The following UPB1 variants were observed in gnomAD, a reference collection of about 807,000 sequenced individuals.
UPB1 encodes the protein beta-ureidopropionase.
A neutral mutation model predicts 49.1 loss-of-function variants in UPB1; 40 were observed. The ratio of observed to expected loss-of-function variants is 0.81; its 90% CI spans 0.63 to 1.06. UPB1 has a LOEUF of 1.06. UPB1 is among the 50% of genes least tolerant of loss of function. The pLI is 0.00. For missense variants in UPB1, 499 were observed against 505.9 expected, an observed-to-expected ratio of 0.99 and a Z score of 0.13; for synonymous variants, 207 against 198.2, an observed-to-expected ratio of 1.04 and a Z score of -0.38.
chr22:24,497,313 G>A (rs60379542), intron 1 of UPB1, among the ~76,000 whole-genome samples: 5,638 of 152,266 alleles, frequency 0.037, 279 homozygotes, highest in African/African-American at 0.11. Context: ...AAAGGGGAAT[G>A]TATGTTTCAT....
chr22:24,523,528 G>A (rs1434415850), intron 8 of UPB1, 91 bp from the exon 9 acceptor site: 10 of 1,582,474 alleles, frequency 6.3e-6, no homozygotes, highest in African/African-American at 2.7e-5. Context: ...TGGACTCCGT[G>A]TCCTGGGCCT....
At position 24,495,484 on chromosome 22, in the gene UPB1, C is replaced by G; in HGVS notation, c.81C>G (p.Arg27=). The part of the protein sequence containing the change: ...LPLPDLQEVK[R]VLYGKELRKL... The stretch of plus-strand genomic sequence containing the variant: ...TCCCCGACTTGCAGGAAGTGAAGCG[C>G]GTTCTCTATGGCAAGGAACTCAGGT... The change falls in exon 1 of 10, where the codon CGC becomes CGG. Residue 27 remains arginine (R), a synonymous_variant. Coordinates refer to ENST00000326010, the MANE Select transcript of UPB1 (RefSeq NM_016327.3). The G allele has an allele frequency of 6.2e-7, 1 of 1,614,080 alleles. No individual in the cohort carries two copies. Among genetic ancestry groups the G allele is most frequent in the Non-Finnish European group, 8.5e-7 (1 of 1,180,030 alleles).
At chr22:24,510,639 G>C (rs370722548) in intron 3 of UPB1, 110 bp from the exon 4 acceptor site, 1 of 1,174,970 alleles carries the variant, frequency 8.5e-7, no homozygotes, top group Admixed American at 1.8e-5. Flanking sequence ...CCAGGCCATG[G>C]CACTCCTGAG....
chr22:24,496,400 C>T lies in UPB1; in HGVS notation c.104+893C>T, dbSNP rs895351486. Among the ~76,000 whole-genome samples the T allele has an allele frequency of 2.9e-3, 369 of 127,270 alleles. 1 individual carries two copies. The highest frequency in any genetic ancestry group is 3.4e-3 in the African/African-American group (88 of 25,726). The allele number at this position is 127,270 out of a possible 152,430, so 83.5% of individuals were successfully genotyped here. Reference sequence around the variant, plus strand: ...ACACACACACACACACACACACACACACATACACACACACACACACACACA... The same window carrying T: ...ACACACACACACACACACACACACATACATACACACACACACACACACACA... On this transcript the variant is annotated intron_variant, in intron 1 of 9. Coordinates refer to ENST00000326010, the MANE Select transcript of UPB1 (RefSeq NM_016327.3).
At chr22:24,516,915 G>A (rs1215499333) in intron 6 of UPB1, among the ~76,000 whole-genome samples, 7 of 152,078 alleles carry the variant, frequency 4.6e-5, no homozygotes, top group Admixed American at 4.6e-4. Flanking sequence ...TCGTAGAGAT[G>A]GGGTTTCACC....
chr22:24,504,723 C>CTTTTTTTTTTT (rs35606558), intron 3 of UPB1, among the ~76,000 whole-genome samples: 9 of 91,770 alleles, frequency 9.8e-5, no homozygotes, highest in Non-Finnish European at 1.6e-4. Context: ...GTATTTCCTC[C>CTTTTTTTTTTT]TTTTTTTTTT....
chr22:24,507,304 G>T (rs1355862953), intron 3 of UPB1, among the ~76,000 whole-genome samples: 2 of 152,138 alleles, frequency 1.3e-5, no homozygotes, highest in East Asian at 1.9e-4. Flanking sequence ...AGCCTGGGGA[G>T]CCTTGAGCCT....
At chr22:24,506,213 G>A (rs771784917) in intron 3 of UPB1, among the ~76,000 whole-genome samples, 2 of 150,814 alleles carry the variant, frequency 1.3e-5, no homozygotes, top group Non-Finnish European at 2.9e-5. Flanking sequence ...TAGAGACCAG[G>A]CTTCACCATG....
At chr22:24,502,742 T>A (rs1568981520) in intron 3 of UPB1, 8 of 556,442 alleles carry the variant, frequency 1.4e-5, no homozygotes, top group Middle Eastern at 4.6e-4. Context: ...TTACCTTTGT[T>A]AGTGTTGCTA....
intron 3 of UPB1, among the ~76,000 whole-genome samples, chr22:24,504,403 A>G (rs1428154976): frequency 6.6e-6 from 1 of 152,174 alleles, no homozygotes; most frequent in Non-Finnish European, 1.5e-5. Flanking sequence ...TTTTTTGGGC[A>G]TTGTTGAGTA....
intron 7 of UPB1, 38 bp downstream of exon 7, chr22:24,520,506 C>A (rs1406555116): frequency 6.3e-7 from 1 of 1,598,426 alleles, no homozygotes. Flanking sequence ...GGAGCCACCA[C>A]CTGGTGGCTC....
chr22:24,518,165 AAAAC>A (rs994596805), intron 6 of UPB1: 9 of 152,278 alleles, frequency 5.9e-5, no homozygotes, highest in Non-Finnish European at 1.0e-4. Flanking sequence ...ACAGAAAAAA[AAAAC>A]AGGGAAAGGC....
intron 6 of UPB1, among the ~76,000 whole-genome samples, 192 bp downstream of exon 6, chr22:24,515,562 G>A (rs182805014): frequency 4.6e-5 from 7 of 152,360 alleles, no homozygotes; most frequent in Non-Finnish European, 8.8e-5. Flanking sequence ...ATGGCAATGA[G>A]CAATCCCCCA....
At chr22:24,496,846 C>T (rs1185826813) in intron 1 of UPB1, among the ~76,000 whole-genome samples, 1 of 152,014 alleles carries the variant, frequency 6.6e-6, no homozygotes, top group Non-Finnish European at 1.5e-5. Context: ...AAATGTCTAG[C>T]GGGTGAGGAC....
At chr22:24,506,240 C>G (rs991158567) in intron 3 of UPB1, among the ~76,000 whole-genome samples, 1 of 151,960 alleles carries the variant, frequency 6.6e-6, no homozygotes, top group Non-Finnish European at 1.5e-5. Flanking sequence ...AGGCTGGTCT[C>G]GAATTCCTGA....
chr22:24,523,803 G>A (rs979066765), intron 9 of UPB1, 30 bp downstream of exon 9: 2 of 1,613,626 alleles, frequency 1.2e-6, no homozygotes, highest in African/African-American at 1.3e-5. Context: ...GTTGTTGCCT[G>A]CTCCTCTGCT....
intron 3 of UPB1, among the ~76,000 whole-genome samples, chr22:24,509,361 G>GAAAAAAAA (rs202081655): frequency 2.2e-5 from 2 of 92,170 alleles, no homozygotes; most frequent in African/African-American, 4.7e-5. Flanking sequence ...CCTACTGTTT[G>GAAAAAAAA]AAAAAAAAAA....
intron 3 of UPB1, among the ~76,000 whole-genome samples, chr22:24,509,395 A>T (rs2044154449): frequency 1.5e-5 from 2 of 130,520 alleles, no homozygotes; most frequent in Admixed American, 1.6e-4. Flanking sequence ...AAAAAAAAAA[A>T]AGCAAAAACC....
chr22:24,513,044 A>T (rs900410599), intron 4 of UPB1, among the ~76,000 whole-genome samples: 3 of 152,202 alleles, frequency 2.0e-5, no homozygotes, highest in Non-Finnish European at 2.9e-5. Context: ...CAGGATTAGG[A>T]TTGCCAGATC....
Sources: allele counts gnomAD v4.1 joint callset (sites outside exome capture counted in the v4.1 genomes callset), GRCh38; gene constraint gnomAD v4.1.1; transcripts MANE v1.5; gene names NCBI Gene and HGNC (gene_info 2026-07-23, HGNC 2026-07-21).